The following MGMT variants were observed in gnomAD, a reference collection of about 807,000 sequenced individuals.
MGMT encodes O-6-methylguanine-DNA methyltransferase, also known as methylated-DNA--protein-cysteine methyltransferase.
MGMT carries 14 observed loss-of-function variants against 15.9 expected under a neutral mutation model. The ratio of observed to expected loss-of-function variants is 0.88; its 90% CI spans 0.58 to 1.37. The LOEUF (loss-of-function observed/expected upper bound fraction) is 1.37. MGMT is among the 40% of genes most tolerant of loss of function. The pLI, the probability that MGMT is intolerant of heterozygous loss-of-function variation, is 0.00. For synonymous variants in MGMT, 130 were observed against 118.2 expected (o/e 1.10, Z -0.65); for missense variants, 282 against 268.1 (o/e 1.05, Z -0.36).
intron 2 of MGMT, among the ~76,000 whole-genome samples, chr10:129,646,167 G>A (rs553604725): frequency 8.5e-5 from 13 of 152,150 alleles, no homozygotes; most frequent in South Asian, 2.1e-4. Context: ...TTCAGATGGC[G>A]GAAGGGAAGG....
chr10:129,731,968 CTA>C (rs1848503317), intron 3 of MGMT, among the ~76,000 whole-genome samples: 1 of 152,118 alleles, frequency 6.6e-6, no homozygotes, highest in Non-Finnish European at 1.5e-5. Flanking sequence ...GAATGAGAAT[CTA>C]AAAGGCAAAT....
chr10:129,511,325 A>G (rs1295637259), intron 1 of MGMT, among the ~76,000 whole-genome samples: 1 of 149,418 alleles, frequency 6.7e-6, no homozygotes, highest in African/African-American at 2.5e-5. Context: ...TGTGATGAGA[A>G]CCCCGTATAC....
At chr10:129,648,085 G>C (rs945995912) in intron 2 of MGMT, among the ~76,000 whole-genome samples, 5 of 152,132 alleles carry the variant, frequency 3.3e-5, no homozygotes, top group Non-Finnish European at 7.3e-5. Context: ...AAATAATATA[G>C]TATATATCAA....
intron 4 of MGMT, among the ~76,000 whole-genome samples, chr10:129,760,908 G>A (rs2133186738): frequency 6.6e-6 from 1 of 152,282 alleles, no homozygotes; most frequent in East Asian, 1.9e-4. Flanking sequence ...CACATTAATT[G>A]CAATGTCTTC....
At chr10:129,500,220 C>T (rs1047280206) in intron 1 of MGMT, among the ~76,000 whole-genome samples, 5 of 152,144 alleles carry the variant, frequency 3.3e-5, no homozygotes, top group African/African-American at 4.8e-5. Flanking sequence ...TCCTCATTGG[C>T]GCTGATTTGG....
chr10:129,487,585 G>GTATA (rs34686022), intron 1 of MGMT, among the ~76,000 whole-genome samples: 53 of 151,208 alleles, frequency 3.5e-4, no homozygotes, highest in East Asian at 2.0e-3. Flanking sequence ...TCAAAAAATT[G>GTATA]TATATATATA....
chr10:129,743,436 G>T (rs138526347), intron 3 of MGMT, among the ~76,000 whole-genome samples: 125 of 152,342 alleles, frequency 8.2e-4, no homozygotes, highest in African/African-American at 2.9e-3. Flanking sequence ...GCAGCTGTCA[G>T]TGGACAGAGG....
At chr10:129,728,695 C>T (rs1848461373) in intron 3 of MGMT, among the ~76,000 whole-genome samples, 1 of 152,032 alleles carries the variant, frequency 6.6e-6, no homozygotes, top group South Asian at 2.1e-4. Flanking sequence ...CCAGCGTTGC[C>T]TCCCCAGAAG....
chr10:129,638,138 A>G lies in MGMT; in HGVS notation c.126-69757A>G, dbSNP rs560721608. On this transcript the variant is annotated intron_variant, in intron 2 of 4. Transcript: ENST00000651593. ...TGCTTTATGTACTTCAAAAGGAGAC[A>G]TGTGACATGTTTCACTTAACTTCAT... is the stretch of plus-strand genomic sequence containing the variant. 1.4e-4 allele frequency among the ~76,000 whole-genome samples: 22 copies of G among 152,290 alleles called. No homozygotes were observed. The South Asian group carries it at 4.6e-3, about 32-fold the overall frequency.
At chr10:129,672,224 A>G (rs749601663) in intron 2 of MGMT, among the ~76,000 whole-genome samples, 1 of 152,196 alleles carries the variant, frequency 6.6e-6, no homozygotes, top group Non-Finnish European at 1.5e-5. Flanking sequence ...GAATCCAGAG[A>G]TACTGTGACT....
At chr10:129,653,636 C>T (rs1294591809) in intron 2 of MGMT, among the ~76,000 whole-genome samples, 3 of 152,210 alleles carry the variant, frequency 2.0e-5, no homozygotes, top group Non-Finnish European at 4.4e-5. Context: ...GACTGGCCCA[C>T]CCTATGAGAT....
intron 1 of MGMT, among the ~76,000 whole-genome samples, chr10:129,523,059 A>G (rs1184888178): frequency 6.6e-6 from 1 of 152,250 alleles, no homozygotes; most frequent in African/African-American, 2.4e-5. Context: ...GTGACATTTC[A>G]TTTTGAACAC....
At chr10:129,754,544 C>T (rs574261113) in intron 3 of MGMT, among the ~76,000 whole-genome samples, 5 of 152,286 alleles carry the variant, frequency 3.3e-5, no homozygotes, top group South Asian at 4.1e-4. Context: ...GGGATGATTC[C>T]TCACTCGCCC....
At position 129,718,981 on chromosome 10, in the gene MGMT, G is replaced by A. The variant is rs150610044; in HGVS notation, c.274+10938G>A. 4.8e-3 allele frequency among the ~76,000 whole-genome samples: 727 copies of A among 150,650 alleles called. 6 individuals are homozygous for A. The highest frequency in any genetic ancestry group is 0.017 in the African/African-American group (686 of 40,760). On this transcript the variant is annotated intron_variant, in intron 3 of 4. Coordinates refer to ENST00000651593, the MANE Select transcript of MGMT (RefSeq NM_002412.5). Reference sequence around the variant, plus strand: ...TCCCCTTTCTGAGATGTCTAGAGCCGGTCCATGTGCCCGCTCAGGTATGTC... The same window carrying A: ...TCCCCTTTCTGAGATGTCTAGAGCCAGTCCATGTGCCCGCTCAGGTATGTC...
At chr10:129,509,239 A>G (rs981354190) in intron 1 of MGMT, among the ~76,000 whole-genome samples, 2 of 152,140 alleles carry the variant, frequency 1.3e-5, no homozygotes, top group Non-Finnish European at 1.5e-5. Flanking sequence ...TGTGGGATGA[A>G]GTTTCCTTTC....
At chr10:129,469,119 C>T (rs773354586) in intron 1 of MGMT, among the ~76,000 whole-genome samples, 4 of 152,100 alleles carry the variant, frequency 2.6e-5, no homozygotes, top group Non-Finnish European at 4.4e-5. Flanking sequence ...CAATCAGGGC[C>T]TCCTCTGTCC....
intron 2 of MGMT, among the ~76,000 whole-genome samples, chr10:129,601,802 G>C (rs553149262): frequency 3.3e-5 from 5 of 152,322 alleles, no homozygotes; most frequent in Non-Finnish European, 7.4e-5. Context: ...GCTGGTGGGC[G>C]TGCAGGGCTT....
intron 3 of MGMT, among the ~76,000 whole-genome samples, chr10:129,719,361 C>T (rs761857734): frequency 1.2e-4 from 18 of 152,232 alleles, no homozygotes; most frequent in Admixed American, 4.6e-4. Context: ...GCCTGGTGCG[C>T]GCTGGGGCAA....
chr10:129,577,969 A>C (rs997993600), intron 2 of MGMT, among the ~76,000 whole-genome samples: 6 of 152,256 alleles, frequency 3.9e-5, no homozygotes, highest in Admixed American at 3.9e-4. Context: ...AATGCAACTC[A>C]AAACCACAAT....
Sources: allele counts gnomAD v4.1 joint callset (sites outside exome capture counted in the v4.1 genomes callset), GRCh38; gene constraint gnomAD v4.1.1; transcripts MANE v1.5; gene names NCBI Gene and HGNC (gene_info 2026-07-23, HGNC 2026-07-21).